Variants in NAV1 observed in about 807,000 individuals in gnomAD.
NAV1 encodes the protein pore membrane and/or filament interacting like protein 3.
Under a neutral mutation model 175.2 loss-of-function variants are expected in NAV1, and 18 were observed. That is an observed-to-expected ratio of 0.10 (90% confidence interval 0.07 to 0.15). NAV1 has a LOEUF of 0.15. Among genes scored for constraint, NAV1 ranks in the 10% least tolerant of loss-of-function variants. The probability of loss-of-function intolerance (pLI) is 1.00; values close to 1 mark genes in which losing one functional copy is unlikely to be tolerated. For missense variants in NAV1, 1,731 were observed against 2,436.6 expected (o/e 0.71, Z 6.10); for synonymous variants, 897 against 978.7 (o/e 0.92, Z 1.56).
At chr1:201,617,990 AT>A (rs1668053105), upstream of NAV1, among the ~76,000 whole-genome samples, 1 of 152,160 alleles carries the variant, frequency 6.6e-6, no homozygotes, top group Non-Finnish European at 1.5e-5. Context: ...TCCATTAAGA[AT>A]GTAAACTGGG....
At chr1:201,706,151 A>AGAT (rs1262577522) in intron 1 of NAV1, among the ~76,000 whole-genome samples, 11 of 152,160 alleles carry the variant, frequency 7.2e-5, no homozygotes, top group Non-Finnish European at 1.0e-4. Flanking sequence ...GCTGGTTGTG[A>AGAT]GATGTGCAGA....
In NAV1 at chr1:201,605,049, G is replaced by C. The variant is rs534562051; in HGVS notation, c.-33+16400G>C. Reference sequence around the variant, plus strand: ...TATTAATGGATATTTGTTTTGCTTTGTTGTTTTTACTGAGGGCACCCTAGC... The same window carrying C: ...TATTAATGGATATTTGTTTTGCTTTCTTGTTTTTACTGAGGGCACCCTAGC... On this transcript the variant is annotated intron_variant, in intron 2 of 33. Transcript: ENST00000685211. Among the ~76,000 whole-genome samples, 3 of 151,736 alleles carry C rather than the reference G, an allele frequency of 2.0e-5. No homozygotes were observed. The East Asian group carries it at 5.8e-4, about 29-fold the overall frequency.
chr1:201,622,411 A>G (rs1360547283), upstream of NAV1, among the ~76,000 whole-genome samples: 1 of 152,144 alleles, frequency 6.6e-6, no homozygotes, highest in Non-Finnish European at 1.5e-5. Flanking sequence ...TGCAGTGATG[A>G]GAGGAAGGAA....
chr1:201,746,122 C>T (rs1024192199), intron 3 of NAV1, among the ~76,000 whole-genome samples: 2 of 152,148 alleles, frequency 1.3e-5, no homozygotes, highest in South Asian at 2.1e-4. Context: ...GCCACCATGC[C>T]TAGTCTTGCT....
In NAV1 at chr1:201,802,092, C is replaced by G. The variant is rs1290312179; in HGVS notation, c.3518-1501C>G. On this transcript the variant is annotated intron_variant, in intron 15 of 29. Coordinates refer to ENST00000367296, the Ensembl canonical transcript of NAV1. ...GCGGAGCTTGCAGTGAGCCGAGATT[C>G]CGCCACTGCACTCCAGCCTGGGCGA... is the stretch of plus-strand genomic sequence containing the variant. Among the ~76,000 whole-genome samples, 3 of 118,666 alleles carry G rather than the reference C, an allele frequency of 2.5e-5. No individual in the cohort carries two copies. In the South Asian group the frequency reaches 1.1e-3, roughly 43 times the overall value. 77.8% of individuals were successfully genotyped at this position (118,666 alleles called of 152,430 possible).
At chr1:201,630,987 G>A (rs1668466352) in intron 2 of NAV1, among the ~76,000 whole-genome samples, 1 of 152,192 alleles carries the variant, frequency 6.6e-6, no homozygotes, top group Non-Finnish European at 1.5e-5. Context: ...CTAGCATTAG[G>A]AATCCCCCAG....
chr1:201,784,954 G>C (rs1676620180), intron 7 of NAV1, among the ~76,000 whole-genome samples: 1 of 152,052 alleles, frequency 6.6e-6, no homozygotes, highest in Admixed American at 6.5e-5. Context: ...ATTTTTAGTA[G>C]AGACGAGGTT....
chr1:201,602,138 C>G (rs1217621367), intron 2 of NAV1, among the ~76,000 whole-genome samples: 1 of 152,192 alleles, frequency 6.6e-6, no homozygotes, highest in Non-Finnish European at 1.5e-5. Flanking sequence ...CCACCAGCAT[C>G]AGAGGACTTC....
chr1:201,634,041 T>C (rs1189214625), intron 2 of NAV1, among the ~76,000 whole-genome samples: 2 of 152,188 alleles, frequency 1.3e-5, no homozygotes, highest in Non-Finnish European at 2.9e-5. Context: ...TTAATCCTTC[T>C]AACAACTGCA....
At chr1:201,583,919 G>A (rs1666946725) in intron 1 of NAV1, among the ~76,000 whole-genome samples, 1 of 152,188 alleles carries the variant, frequency 6.6e-6, no homozygotes, top group Non-Finnish European at 1.5e-5. Context: ...ATCTCACTTT[G>A]CAGCGTGTCC....
intron 2 of NAV1, among the ~76,000 whole-genome samples, chr1:201,609,774 T>C (rs1350880573): frequency 6.6e-6 from 1 of 152,084 alleles, no homozygotes; most frequent in African/African-American, 2.4e-5. Context: ...GCAGCTCCAG[T>C]GTCCATCAGG....
intron 1 of NAV1, among the ~76,000 whole-genome samples, chr1:201,547,955 G>A (rs558975641): frequency 2.8e-4 from 42 of 152,132 alleles, no homozygotes; most frequent in African/African-American, 9.6e-4. Flanking sequence ...CACCATGCCC[G>A]GCTAATTTTT....
intron 13 of NAV1, chr1:201,792,874 G>A (rs958738629): frequency 6.6e-6 from 1 of 152,270 alleles, no homozygotes; most frequent in Non-Finnish European, 1.5e-5. Flanking sequence ...AACAGGGAGG[G>A]AGAATTGTAA....
In NAV1 at chr1:201,718,249, G is replaced by A; in HGVS notation, c.861-141G>A. ...GTAACACACAACCAGAGGCCTCATG[G>A]AGGAGGTGGAGCTTGGGCAGGTGGG... On this transcript the variant is annotated intron_variant, in intron 2 of 29. Transcript: ENST00000367296. The surrounding 1 kb of genome is among the most constrained non-coding windows in gnomAD (Gnocchi z 4.8). 1.3e-6 allele frequency: 1 copy of A among 776,742 alleles called. No homozygotes were observed. Among genetic ancestry groups the A allele is most frequent in the Non-Finnish European group, 1.9e-6 (1 of 525,518 alleles). 48.1% of individuals were successfully genotyped at this position (776,742 alleles called of 1,614,324 possible).
rs756990868 is a variant in NAV1 at position 201,811,591 on chromosome 1, C to G, written c.4798-12C>G. ...TTCCCAAGTGCTGACCCACAGCCTT[C>G]TTTTATTCCAGGATCTGCAACTGTA... On this transcript the variant is annotated splice_polypyrimidine_tract_variant and intron_variant, in intron 24 of 29. Transcript: ENST00000367296. 9.9e-6 allele frequency: 16 copies of G among 1,613,966 alleles called. No homozygotes were observed. The highest frequency in any genetic ancestry group is 1.4e-5 in the Non-Finnish European group (16 of 1,180,002).
chr1:201,686,635 C>T (rs764075395), intron 1 of NAV1, among the ~76,000 whole-genome samples: 4 of 152,216 alleles, frequency 2.6e-5, no homozygotes, highest in African/African-American at 9.6e-5. Flanking sequence ...TGATTTGCAT[C>T]TATCTCCTAT....
rs1489434447 is a variant in NAV1 at position 201,718,614 on chromosome 1, G to A, written c.1085G>A (p.Ser362Asn). Residue 362 changes from serine (S) to asparagine (N), a missense_variant, in exon 3 of 30, where the codon AGC (serine) becomes AAC (asparagine). Physicochemically the swap from Ser to Asn is conservative, Grantham distance 46. This residue lies in a region of NAV1 where 487 missense variants were observed against 581.3 expected (regional missense o/e 0.84). Transcript: ENST00000367296. This position sits in a 1 kb window ranked among gnomAD's most constrained non-coding sequence, Gnocchi z 4.8. ...TACTCCCACACCATGCCCATGCGCA[G>A]CCCCAGCAAGCTCAGCCATATCTCC... 4 of 1,614,182 alleles carry A rather than the reference G, an allele frequency of 2.5e-6. No homozygotes were observed. The highest frequency in any genetic ancestry group is 1.7e-5 in the Admixed American group (1 of 60,030).
At chr1:201,549,139 CTTTCTTCTT>C (rs1290118891) in intron 1 of NAV1, among the ~76,000 whole-genome samples, 2 of 125,462 alleles carry the variant, frequency 1.6e-5, no homozygotes, top group Admixed American at 8.8e-5. Flanking sequence ...TTCTTTCTTT[CTTTCTTCTT>C]TCTCTCTCTC....
chr1:201,613,900 C>A (rs992034225), intron 2 of NAV1, among the ~76,000 whole-genome samples: 2 of 152,076 alleles, frequency 1.3e-5, no homozygotes, highest in African/African-American at 4.8e-5. Context: ...TATAGCAACA[C>A]TTTAAGGTAG....
Sources: allele counts gnomAD v4.1 joint callset (sites outside exome capture counted in the v4.1 genomes callset), GRCh38; gene constraint gnomAD v4.1.1; regional missense constraint gnomAD v4.1.1; non-coding constraint Gnocchi (gnomAD v3.1); transcripts MANE v1.5; gene names NCBI Gene and HGNC (gene_info 2026-07-23, HGNC 2026-07-21).